VAV3: variants seen among roughly 807,000 people sequenced by gnomAD.
The protein encoded by VAV3 is vav guanine nucleotide exchange factor 3.
VAV3 carries 94 observed loss-of-function variants against 131.2 expected under a neutral mutation model. That is an observed-to-expected ratio of 0.72 (90% CI 0.61 to 0.85). The LOEUF (loss-of-function observed/expected upper bound fraction) is 0.85, where lower values mean the gene tolerates loss of function less well. VAV3 is among the 40% of genes least tolerant of loss of function. The probability of loss-of-function intolerance (pLI) is 0.00; values close to 1 mark genes in which losing one functional copy is unlikely to be tolerated. For missense variants in VAV3, 939 were observed against 1,002.7 expected (o/e 0.94, Z 0.86); for synonymous variants, 349 against 342.0 (o/e 1.02, Z -0.22).
intron 1 of VAV3, among the ~76,000 whole-genome samples, chr1:107,932,117 C>A (rs1673466634): frequency 6.6e-6 from 1 of 152,216 alleles, no homozygotes; most frequent in Non-Finnish European, 1.5e-5. Flanking sequence ...GCTTCAGTGG[C>A]ATGTCAATTG....
chr1:107,659,452 C>T (rs539324830), intron 19 of VAV3, among the ~76,000 whole-genome samples: 1 of 152,288 alleles, frequency 6.6e-6, no homozygotes, highest in South Asian at 2.1e-4. Context: ...TAGACTTCAG[C>T]TCTTCACAAT....
chr1:107,785,632 G>C, intron 2 of VAV3: 1 of 1,136,966 alleles, frequency 8.8e-7, no homozygotes, highest in Non-Finnish European at 1.1e-6. Context: ...TGAAGGATCA[G>C]AGCAAGTGCC....
intron 2 of VAV3, among the ~76,000 whole-genome samples, chr1:107,873,588 C>T (rs1670347470): frequency 6.6e-6 from 1 of 152,142 alleles, no homozygotes; most frequent in African/African-American, 2.4e-5. Flanking sequence ...ACCTGTGATT[C>T]ATGGCCACAG....
chr1:107,783,397 G>A (rs1460920059), intron 2 of VAV3, among the ~76,000 whole-genome samples: 1 of 152,192 alleles, frequency 6.6e-6, no homozygotes, highest in Non-Finnish European at 1.5e-5. Flanking sequence ...GGCTGCAGTA[G>A]ACAGGAAAGT....
At chr1:107,823,996 G>C (rs1667906239) in intron 2 of VAV3, among the ~76,000 whole-genome samples, 2 of 152,150 alleles carry the variant, frequency 1.3e-5, no homozygotes, top group Non-Finnish European at 2.9e-5. Flanking sequence ...CTCTAACTGT[G>C]GTATTTTGTT....
intron 20 of VAV3, among the ~76,000 whole-genome samples, chr1:107,631,584 G>A (rs928146368): frequency 3.3e-5 from 5 of 149,272 alleles, no homozygotes; most frequent in Non-Finnish European, 7.4e-5. Context: ...CCATTAACTC[G>A]TCATTTAGCA....
intron 15 of VAV3, among the ~76,000 whole-genome samples, chr1:107,712,009 G>T (rs1003553472): frequency 2.6e-5 from 4 of 152,012 alleles, no homozygotes; most frequent in African/African-American, 9.7e-5. Context: ...ATTAAAAGCC[G>T]CATAGCAAGC....
At chr1:107,781,348 C>T (rs977419737) in intron 2 of VAV3, among the ~76,000 whole-genome samples, 1 of 151,892 alleles carries the variant, frequency 6.6e-6, no homozygotes, top group Non-Finnish European at 1.5e-5. Context: ...ATATAGATGA[C>T]GACAATGTAT....
rs146980332 is a variant in VAV3 at position 107,825,527 on chromosome 1, T to C, written c.322-46035A>G. ...GAGGAAGGAAATGTAGGCAGGCTCATGATAGAGAAAAATCTACTACTTTCT... is the reference window on the plus strand; with the variant it reads ...GAGGAAGGAAATGTAGGCAGGCTCACGATAGAGAAAAATCTACTACTTTCT... On this transcript the variant is annotated intron_variant, in intron 2 of 26. Transcript: ENST00000370056. Among the ~76,000 whole-genome samples, 13 of 152,212 alleles carry C rather than the reference T, an allele frequency of 8.5e-5. No individual in the cohort carries two copies. In the East Asian group the frequency reaches 2.1e-3, roughly 25 times the overall value.
chr1:107,823,045 A>G (rs1238964317), intron 2 of VAV3, among the ~76,000 whole-genome samples: 1 of 152,228 alleles, frequency 6.6e-6, no homozygotes, highest in Non-Finnish European at 1.5e-5. Flanking sequence ...ATGGATATTC[A>G]GAGTTGCTAC....
At chr1:107,890,528 C>T (rs1557904905) in intron 1 of VAV3, among the ~76,000 whole-genome samples, 3 of 152,128 alleles carry the variant, frequency 2.0e-5, no homozygotes, top group Admixed American at 6.5e-5. Flanking sequence ...TCTCACCATA[C>T]ACACTATTTC....
At chr1:107,736,551 C>T (rs1215527244) in intron 15 of VAV3, among the ~76,000 whole-genome samples, 3 of 152,096 alleles carry the variant, frequency 2.0e-5, no homozygotes, top group East Asian at 3.8e-4. Flanking sequence ...ACAAGCATTC[C>T]TATACACCAA....
At chr1:107,574,979 G>C (rs1649510220) in intron 25 of VAV3, among the ~76,000 whole-genome samples, 1 of 27,878 alleles carries the variant, frequency 3.6e-5, no homozygotes, top group African/African-American at 7.6e-5. Flanking sequence ...GTGTGTGTGT[G>C]TGTGTGTGTG....
At chr1:107,638,290 G>A (rs2101468641) in intron 20 of VAV3, among the ~76,000 whole-genome samples, 1 of 152,218 alleles carries the variant, frequency 6.6e-6, no homozygotes, top group Admixed American at 6.5e-5. Flanking sequence ...TACAAAATCT[G>A]CTGGACTCTA....
chr1:107,925,464 G>A (rs1673105086), intron 1 of VAV3, among the ~76,000 whole-genome samples: 1 of 152,102 alleles, frequency 6.6e-6, no homozygotes, highest in Non-Finnish European at 1.5e-5. Context: ...AACAAAATAT[G>A]GTGTATACAT....
intron 19 of VAV3, among the ~76,000 whole-genome samples, chr1:107,662,362 T>C (rs1292125798): frequency 1.3e-5 from 2 of 152,332 alleles, no homozygotes; most frequent in Non-Finnish European, 2.9e-5. Flanking sequence ...GTCTCAATTT[T>C]TACTCTGCTC....
chr1:107,916,262 T>C (rs1672615845), intron 1 of VAV3, among the ~76,000 whole-genome samples: 1 of 152,226 alleles, frequency 6.6e-6, no homozygotes. Flanking sequence ...TACCTACCAC[T>C]GGTAAGAATA....
intron 2 of VAV3, among the ~76,000 whole-genome samples, chr1:107,813,881 T>A (rs1486535067): frequency 6.6e-6 from 1 of 152,106 alleles, no homozygotes; most frequent in Non-Finnish European, 1.5e-5. Context: ...GCCTGAGTTA[T>A]TGCACTTAAC....
chr1:107,710,648 A>G (rs1660733601), intron 15 of VAV3, among the ~76,000 whole-genome samples: 1 of 152,146 alleles, frequency 6.6e-6, no homozygotes, highest in South Asian at 2.1e-4. Context: ...CTATTATTTA[A>G]GTGGCAATAA....
Sources: gnomAD v4.1 joint callset for allele counts (sites outside exome capture counted in the v4.1 genomes callset) on GRCh38, gnomAD v4.1.1 for gene constraint, MANE v1.5 for transcripts, NCBI Gene and HGNC (gene_info 2026-07-23, HGNC 2026-07-21) for gene names.